Variants in SLC49A4 observed in about 807,000 individuals in gnomAD.
SLC49A4 encodes solute carrier family 49 member 4, also known as disrupted in renal cancer protein 2.
Under a neutral mutation model 50.6 loss-of-function variants are expected in SLC49A4, and 36 were observed. The observed-to-expected ratio is 0.71, with a 90% confidence interval of 0.55 to 0.94. The LOEUF is 0.94. Ranked by LOEUF, SLC49A4 falls within the 40% of genes least tolerant of loss-of-function variation. The pLI, the probability that SLC49A4 is intolerant of heterozygous loss-of-function variation, is 0.00. For synonymous variants in SLC49A4, 248 were observed against 241.2 expected, an observed-to-expected ratio of 1.03 and a Z score of -0.26; for missense variants, 503 against 605.7, an observed-to-expected ratio of 0.83 and a Z score of 1.78.
intron 7 of SLC49A4, among the ~76,000 whole-genome samples, chr3:122,865,855 C>G (rs1306995709): frequency 6.6e-6 from 1 of 152,152 alleles, no homozygotes; most frequent in Non-Finnish European, 1.5e-5. Flanking sequence ...ACTTCAGGGA[C>G]ATTTCTTGAT....
intron 1 of SLC49A4, among the ~76,000 whole-genome samples, chr3:122,805,628 G>A (rs1029249436): frequency 1.3e-5 from 2 of 152,220 alleles, no homozygotes; most frequent in Non-Finnish European, 2.9e-5. Context: ...CTTTGCCATA[G>A]ACTTTGTATG....
intron 1 of SLC49A4, among the ~76,000 whole-genome samples, chr3:122,802,485 C>A (rs991765030): frequency 3.3e-5 from 5 of 152,166 alleles, no homozygotes; most frequent in Admixed American, 3.3e-4. Flanking sequence ...TCAGAGGATA[C>A]ATGTGAGGAA....
intron 7 of SLC49A4, among the ~76,000 whole-genome samples, chr3:122,862,991 A>T (rs1287803017): frequency 6.6e-6 from 1 of 152,234 alleles, no homozygotes; most frequent in Non-Finnish European, 1.5e-5. Flanking sequence ...CTGGTATTGA[A>T]AACAATTATG....
chr3:122,846,943 T>A (rs930633100), intron 5 of SLC49A4, among the ~76,000 whole-genome samples: 1 of 152,216 alleles, frequency 6.6e-6, no homozygotes, highest in Non-Finnish European at 1.5e-5. Flanking sequence ...AGAAATGGGC[T>A]GCACATATAA....
chr3:122,802,166 A>G (rs574628775), intron 1 of SLC49A4, among the ~76,000 whole-genome samples: 3 of 152,208 alleles, frequency 2.0e-5, no homozygotes, highest in East Asian at 3.9e-4. Flanking sequence ...TAATAAATAA[A>G]TATTAGAATA....
At chr3:122,857,295 A>AAG (rs1177813124) in intron 6 of SLC49A4, among the ~76,000 whole-genome samples, 2 of 151,022 alleles carry the variant, frequency 1.3e-5, no homozygotes, top group Admixed American at 1.3e-4. Context: ...AAAAAAAAAA[A>AAG]AAAAAAAAAA....
intron 3 of SLC49A4, among the ~76,000 whole-genome samples, chr3:122,827,792 A>C (rs549363382): frequency 2.0e-5 from 3 of 152,344 alleles, no homozygotes; most frequent in Admixed American, 2.0e-4. Flanking sequence ...TTATAATACA[A>C]GTAGAGATAT....
At chr3:122,852,442 G>T (rs1260644139) in intron 5 of SLC49A4, among the ~76,000 whole-genome samples, 1 of 151,852 alleles carries the variant, frequency 6.6e-6, no homozygotes, top group Non-Finnish European at 1.5e-5. Flanking sequence ...TTGATATTTG[G>T]TAATTTTAAA....
intron 7 of SLC49A4, among the ~76,000 whole-genome samples, chr3:122,863,008 A>G (rs558606429): frequency 2.0e-5 from 3 of 152,348 alleles, no homozygotes; most frequent in African/African-American, 4.8e-5. Flanking sequence ...TATGTTGGAC[A>G]GAAAGGAAAG....
intron 2 of SLC49A4, among the ~76,000 whole-genome samples, chr3:122,807,281 C>G (rs1425925805): frequency 2.6e-5 from 4 of 151,822 alleles, no homozygotes; most frequent in Non-Finnish European, 5.9e-5. Context: ...TGCCTCGAGA[C>G]TAGGAGAAGT....
intron 1 of SLC49A4, among the ~76,000 whole-genome samples, chr3:122,803,502 A>G (rs1338995657): frequency 1.3e-5 from 2 of 152,216 alleles, no homozygotes; most frequent in Non-Finnish European, 2.9e-5. Flanking sequence ...CAGGAAAAAC[A>G]GGCATGATGT....
At chr3:122,824,750 T>G (rs1936503175) in intron 2 of SLC49A4, among the ~76,000 whole-genome samples, 1 of 145,680 alleles carries the variant, frequency 6.9e-6, no homozygotes, top group African/African-American at 2.5e-5. Context: ...TTTTTTTTTT[T>G]GAGACAAAAT....
intron 2 of SLC49A4, among the ~76,000 whole-genome samples, chr3:122,818,052 T>C (rs554764828): frequency 6.6e-6 from 1 of 152,308 alleles, no homozygotes; most frequent in Non-Finnish European, 1.5e-5. Context: ...TTACTGACCC[T>C]AAAATAATTT....
At chr3:122,795,978 A>G (rs1299792063) in intron 1 of SLC49A4, among the ~76,000 whole-genome samples, 1 of 152,232 alleles carries the variant, frequency 6.6e-6, no homozygotes, top group East Asian at 1.9e-4. Flanking sequence ...GTTTTGTGTA[A>G]TAGATGACTC....
intron 5 of SLC49A4, among the ~76,000 whole-genome samples, chr3:122,854,129 A>G (rs1936957122): frequency 6.6e-6 from 1 of 152,208 alleles, no homozygotes; most frequent in African/African-American, 2.4e-5. Context: ...GCGTTGGATT[A>G]TAGATACCAG....
intron 1 of SLC49A4, among the ~76,000 whole-genome samples, chr3:122,806,552 AT>A (rs1243677054): frequency 1.3e-5 from 2 of 151,568 alleles, no homozygotes; most frequent in African/African-American, 4.9e-5. Flanking sequence ...TAATTTTTTT[AT>A]TTTTAGTAGA....
intron 1 of SLC49A4, among the ~76,000 whole-genome samples, chr3:122,804,624 C>CT (rs1936183958): frequency 6.6e-6 from 1 of 152,192 alleles, no homozygotes; most frequent in Admixed American, 6.5e-5. Context: ...AGCCACCACA[C>CT]TGTACTTGTG....
Position 122,877,056 on chromosome 3 carries a change from A to C in SLC49A4, c.1322-2207A>C, listed in dbSNP as rs373608200. On this transcript the variant is annotated intron_variant, in intron 8 of 8. Transcript: ENST00000261038. ...TAAAAGATGAAAAGAATTATAATAC[A>C]AAAATTTCAGTGGCTCGCGATTCTG... Among the ~76,000 whole-genome samples the C allele has an allele frequency of 3.3e-5, 5 of 152,348 alleles. No individual in the cohort carries two copies. In the East Asian group the frequency reaches 7.7e-4, roughly 23 times the overall value.
chr3:122,868,946 G>A (rs1220618810), intron 7 of SLC49A4, among the ~76,000 whole-genome samples: 1 of 152,042 alleles, frequency 6.6e-6, no homozygotes, highest in Non-Finnish European at 1.5e-5. Context: ...CTAACAAATG[G>A]GAAAATCTTC....
Sources: gnomAD v4.1 joint callset for allele counts (sites outside exome capture counted in the v4.1 genomes callset) on GRCh38, gnomAD v4.1.1 for gene constraint, MANE v1.5 for transcripts, NCBI Gene and HGNC (gene_info 2026-07-23, HGNC 2026-07-21) for gene names.